UNC13C: variants seen among roughly 807,000 people sequenced by gnomAD.
The protein encoded by UNC13C is unc-13 homolog C.
In UNC13C, 174 loss-of-function variants were observed where a neutral mutation model predicts 245.4. The observed-to-expected ratio is 0.71, with a 90% CI of 0.63 to 0.80. UNC13C has a LOEUF of 0.80. Among genes scored for constraint, UNC13C ranks in the 30% least tolerant of loss-of-function variants. The pLI is 0.00. For missense variants in UNC13C, 2,829 were observed against 2,602.9 expected (o/e 1.09, Z -1.89); for synonymous variants, 992 against 895.1 (o/e 1.11, Z -1.93).
chr15:54,439,036 GT>G (rs1448557854), intron 19 of UNC13C, among the ~76,000 whole-genome samples: 1 of 151,750 alleles, frequency 6.6e-6, no homozygotes, highest in Non-Finnish European at 1.5e-5. Context: ...ATACTTACCT[GT>G]TACTGCACTA....
intron 19 of UNC13C, among the ~76,000 whole-genome samples, chr15:54,480,466 C>G (rs1320169956): frequency 7.0e-6 from 1 of 142,092 alleles, no homozygotes; most frequent in Non-Finnish European, 1.5e-5. Flanking sequence ...AAAGACCTGT[C>G]TTCAGGTTTA....
At chr15:54,105,477 A>T (rs867451006) in intron 2 of UNC13C, among the ~76,000 whole-genome samples, 2 of 152,220 alleles carry the variant, frequency 1.3e-5, no homozygotes, top group African/African-American at 4.8e-5. Flanking sequence ...GAAGGTTTTC[A>T]TATATTTTTT....
chr15:53,879,916 A>G, the UNC13C span, among the ~76,000 whole-genome samples: 12 of 152,030 alleles, frequency 7.9e-5, no homozygotes, highest in Admixed American at 4.6e-4. Flanking sequence ...GACATACGGT[A>G]TAGTGGAAAA....
At chr15:54,433,675 A>T (rs1355606413) in intron 19 of UNC13C, among the ~76,000 whole-genome samples, 1 of 152,106 alleles carries the variant, frequency 6.6e-6, no homozygotes, top group Admixed American at 6.6e-5. Context: ...AACTGGCACA[A>T]GGCAAGAAGG....
chr15:53,905,399 TAC>T, the UNC13C span, among the ~76,000 whole-genome samples: 17,960 of 123,488 alleles, frequency 0.15, 1,191 homozygotes, highest in East Asian at 0.32. Context: ...TATTACTTTA[TAC>T]ACACACACAC....
At chr15:53,937,158 A>G in the UNC13C span, among the ~76,000 whole-genome samples, 2 of 152,232 alleles carry the variant, frequency 1.3e-5, no homozygotes, top group African/African-American at 4.8e-5. Flanking sequence ...CGATGTTGAT[A>G]ACTAGAATAG....
intron 19 of UNC13C, among the ~76,000 whole-genome samples, chr15:54,483,768 A>G (rs1006396922): frequency 6.6e-6 from 1 of 152,104 alleles, no homozygotes; most frequent in African/African-American, 2.4e-5. Flanking sequence ...TTTTCTTCAC[A>G]TTACTTATTT....
At chr15:54,561,236 G>C (rs547355123) in intron 29 of UNC13C, among the ~76,000 whole-genome samples, 5 of 151,870 alleles carry the variant, frequency 3.3e-5, no homozygotes, top group Non-Finnish European at 7.4e-5. Context: ...ATTCTCTCCG[G>C]GAGTTTCTAG....
chr15:54,511,184 G>GA (rs1451199316), intron 23 of UNC13C, among the ~76,000 whole-genome samples: 1 of 151,924 alleles, frequency 6.6e-6, no homozygotes, highest in East Asian at 1.9e-4. Flanking sequence ...TAAAATCCAG[G>GA]AAAAAAGAAC....
At chr15:54,446,952 T>G (rs1260650785) in intron 19 of UNC13C, among the ~76,000 whole-genome samples, 1 of 152,216 alleles carries the variant, frequency 6.6e-6, no homozygotes. Flanking sequence ...CTTATTATTT[T>G]GAGATACATC....
chr15:54,350,500 T>C (rs933098987), intron 17 of UNC13C, among the ~76,000 whole-genome samples: 1 of 152,154 alleles, frequency 6.6e-6, no homozygotes, highest in Non-Finnish European at 1.5e-5. Context: ...ATCTAAATTC[T>C]TAAACAAGGT....
At chr15:54,620,019 G>A (rs1235267027) in intron 30 of UNC13C, among the ~76,000 whole-genome samples, 1 of 151,982 alleles carries the variant, frequency 6.6e-6, no homozygotes. Context: ...ACAATTGTCA[G>A]AAAATTTATG....
intron 24 of UNC13C, among the ~76,000 whole-genome samples, chr15:54,524,007 C>T (rs1241077868): frequency 6.6e-6 from 1 of 152,150 alleles, no homozygotes; most frequent in Non-Finnish European, 1.5e-5. Context: ...AGTGGAAAAT[C>T]CACATATGTT....
At chr15:54,296,386 T>TTTTAGTGGAGACGGGG (rs2037434667) in intron 11 of UNC13C, among the ~76,000 whole-genome samples, 1 of 135,356 alleles carries the variant, frequency 7.4e-6, no homozygotes, top group South Asian at 2.4e-4. Flanking sequence ...TTTTTTTATT[T>TTTTAGTGGAGACGGGG]TTTTTTATTT....
At chr15:54,371,717 T>TATAC (rs565311483) in intron 17 of UNC13C, among the ~76,000 whole-genome samples, 2 of 149,688 alleles carry the variant, frequency 1.3e-5, no homozygotes, top group South Asian at 4.2e-4. Context: ...TATATATATA[T>TATAC]ACACACACAC....
intron 4 of UNC13C, among the ~76,000 whole-genome samples, chr15:54,203,501 TATACAC>T (rs1297748266): frequency 2.8e-5 from 4 of 142,296 alleles, no homozygotes; most frequent in African/African-American, 1.1e-4. Context: ...TATATATATA[TATACAC>T]ACACACACAC....
chr15:53,998,539 A>G (rs1894738963), intron 1 of UNC13C, among the ~76,000 whole-genome samples: 2 of 152,126 alleles, frequency 1.3e-5, no homozygotes, highest in African/African-American at 4.8e-5. Flanking sequence ...AGATTTTCAC[A>G]TAAATACTCA....
the UNC13C span, among the ~76,000 whole-genome samples, chr15:53,887,700 C>T: frequency 3.9e-5 from 6 of 152,112 alleles, no homozygotes; most frequent in Non-Finnish European, 8.8e-5. Flanking sequence ...TCTCCAAATG[C>T]TATCCCTCCA....
intron 2 of UNC13C, among the ~76,000 whole-genome samples, chr15:54,060,920 G>A (rs1169408623): frequency 6.6e-6 from 1 of 151,904 alleles, no homozygotes; most frequent in East Asian, 1.9e-4. Flanking sequence ...TGATCAAAGA[G>A]AACACATGGA....
Sources: gnomAD v4.1 joint callset for allele counts (sites outside exome capture counted in the v4.1 genomes callset) on GRCh38, gnomAD v4.1.1 for gene constraint, MANE v1.5 for transcripts, NCBI Gene and HGNC (gene_info 2026-07-23, HGNC 2026-07-21) for gene names.